Variants in VPS13C observed in about 807,000 individuals in gnomAD.
VPS13C encodes the protein vacuolar protein sorting 13 homolog C.
A neutral mutation model predicts 456.8 loss-of-function variants in VPS13C; 358 were observed. The ratio of observed to expected loss-of-function variants is 0.78; its 90% CI spans 0.72 to 0.86. The LOEUF (loss-of-function observed/expected upper bound fraction) is 0.86, where lower values mean the gene tolerates loss of function less well. Among genes scored for constraint, VPS13C ranks in the 40% least tolerant of loss-of-function variants. The probability of loss-of-function intolerance (pLI) is 0.00; values close to 1 mark genes in which losing one functional copy is unlikely to be tolerated. For missense variants in VPS13C, 4,818 were observed against 4,385.4 expected (o/e 1.10, Z -2.79); for synonymous variants, 1,578 against 1,486.7 (o/e 1.06, Z -1.41).
At position 61,946,630 on chromosome 15, in the gene VPS13C, T is replaced by C. The variant is rs191808358; in HGVS notation, c.4877-220A>G. ...GACACAGGCATCTCCTCCAAAAAAG[T>C]TGTAGAAATTTTAAAACCAAAAAAA... On this transcript the variant is annotated intron_variant, in intron 43 of 84. Transcript: ENST00000644861. Among the ~76,000 whole-genome samples the C allele has an allele frequency of 4.1e-3, 584 of 141,284 alleles. 2 individuals are homozygous for C. Among genetic ancestry groups the C allele is most frequent in the African/African-American group, 0.014 (542 of 37,444 alleles). The allele number at this position is 141,284 out of a possible 152,430, so 92.7% of individuals were successfully genotyped here. A position where few individuals can be genotyped will look rare whatever the true frequency, so the allele number is the denominator to read the frequency against.
At chr15:61,893,080 A>G (rs2042699849) in intron 66 of VPS13C, among the ~76,000 whole-genome samples, 1 of 152,238 alleles carries the variant, frequency 6.6e-6, no homozygotes, top group African/African-American at 2.4e-5. Context: ...AAGAATTAAC[A>G]AGAAAATACT....
At chr15:61,874,707 A>G (rs1895283241) in intron 77 of VPS13C, among the ~76,000 whole-genome samples, 169 bp downstream of exon 77, 1 of 152,028 alleles carries the variant, frequency 6.6e-6, no homozygotes, top group African/African-American at 2.4e-5. Flanking sequence ...AAAAACCAGC[A>G]GTCTACTGTT....
intron 84 of VPS13C, 149 bp downstream of exon 84, chr15:61,854,722 C>T (rs1459154847): frequency 1.6e-5 from 15 of 966,746 alleles, no homozygotes; most frequent in East Asian, 2.6e-5. Flanking sequence ...CCCTTGCACC[C>T]GACTGAGTCC....
At chr15:61,961,451 GACA>G (rs1567049422) in intron 35 of VPS13C, 135 bp downstream of exon 35, 1 of 645,902 alleles carries the variant, frequency 1.5e-6, no homozygotes, top group Non-Finnish European at 2.4e-6. Flanking sequence ...ACAAAACAAT[GACA>G]ACAATAAAAA....
At chr15:61,894,453 A>G (rs1055329433) in intron 66 of VPS13C, among the ~76,000 whole-genome samples, 4 of 152,342 alleles carry the variant, frequency 2.6e-5, no homozygotes, top group African/African-American at 9.6e-5. Context: ...AAATTAAAAA[A>G]TATGGCCCAA....
intron 77 of VPS13C, among the ~76,000 whole-genome samples, chr15:61,874,408 T>C (rs891913333): frequency 2.0e-5 from 3 of 152,076 alleles, no homozygotes; most frequent in Admixed American, 1.3e-4. Context: ...GATCACTACA[T>C]ATTGTATACA....
chr15:61,880,232 T>C (rs1026060934), intron 73 of VPS13C, among the ~76,000 whole-genome samples: 3 of 152,166 alleles, frequency 2.0e-5, no homozygotes, highest in Non-Finnish European at 4.4e-5. Context: ...GTATAGTACC[T>C]ACTTCAGCGT....
chr15:61,872,055 A>T, intron 78 of VPS13C, 21 bp from the exon 79 acceptor site: 1 of 1,610,388 alleles, frequency 6.2e-7, no homozygotes, highest in Non-Finnish European at 8.5e-7. Context: ...AATCAATCAT[A>T]TAGTTTAGAC....
At chr15:62,047,250 C>A (rs2048438629) in intron 1 of VPS13C, among the ~76,000 whole-genome samples, 2 of 151,414 alleles carry the variant, frequency 1.3e-5, no homozygotes, top group African/African-American at 4.9e-5. Context: ...ATGGTGAAAC[C>A]CCATCTCTAC....
At chr15:61,980,574 C>CATT (rs1287759688) in intron 22 of VPS13C, among the ~76,000 whole-genome samples, 1 of 152,080 alleles carries the variant, frequency 6.6e-6, no homozygotes, top group African/African-American at 2.4e-5. Flanking sequence ...TATGAGAAAT[C>CATT]ATTAGGCGCC....
intron 60 of VPS13C, 39 bp downstream of exon 60, chr15:61,917,302 G>C: frequency 6.3e-7 from 1 of 1,591,302 alleles, no homozygotes; most frequent in Non-Finnish European, 8.6e-7. Flanking sequence ...AATTTACTCT[G>C]TGCAACAACA....
At chr15:62,029,379 C>T (rs952329230) in intron 5 of VPS13C, among the ~76,000 whole-genome samples, 6 of 152,122 alleles carry the variant, frequency 3.9e-5, no homozygotes, top group Admixed American at 2.6e-4. Flanking sequence ...TCCAACCCTA[C>T]ATCCAACTAC....
Position 61,909,115 on chromosome 15 carries a change from A to G in VPS13C, c.8855T>C (p.Ile2952Thr). 6.2e-7 allele frequency: 1 copy of G among 1,609,224 alleles called. No homozygotes were observed. ...LLSLEDLNGG[I>T]LVDVNTAEHS... is the part of the protein sequence containing the mutation. Reference sequence around the variant, plus strand: ...TTCGGCAGTGTTTACATCCACCAAGATACCCCCATTCTATTGTAGAAAAAA... The same window carrying G: ...TTCGGCAGTGTTTACATCCACCAAGGTACCCCCATTCTATTGTAGAAAAAA... Residue 2952 changes from isoleucine to threonine, a missense_variant, in exon 65 of 85, where the codon ATC becomes ACC. By Grantham distance (89) the Ile-to-Thr change is moderately conservative. Coordinates refer to ENST00000644861, the MANE Select transcript of VPS13C (RefSeq NM_020821.3).
At chr15:62,022,626 T>A (rs2047503815) in intron 8 of VPS13C, among the ~76,000 whole-genome samples, 1 of 152,024 alleles carries the variant, frequency 6.6e-6, no homozygotes, top group East Asian at 1.9e-4. Flanking sequence ...TGCTGACTTA[T>A]CAAGTTACAT....
intron 9 of VPS13C, among the ~76,000 whole-genome samples, chr15:62,014,880 G>C (rs1306469280): frequency 6.6e-6 from 1 of 152,052 alleles, no homozygotes; most frequent in Non-Finnish European, 1.5e-5. Flanking sequence ...AAGTGAAAAA[G>C]AATGAGAAAG....
At chr15:62,030,266 A>C (rs1197193633) in intron 5 of VPS13C, among the ~76,000 whole-genome samples, 1 of 152,176 alleles carries the variant, frequency 6.6e-6, no homozygotes, top group Non-Finnish European at 1.5e-5. Flanking sequence ...ATAAGAAAGG[A>C]AATATAGTCA....
At chr15:62,015,377 T>C (rs930175369) in intron 9 of VPS13C, among the ~76,000 whole-genome samples, 1 of 152,080 alleles carries the variant, frequency 6.6e-6, no homozygotes, top group Non-Finnish European at 1.5e-5. Flanking sequence ...CATTTGTCAA[T>C]TTTGGCTTTT....
chr15:62,021,596 A>T (rs1049731169), intron 8 of VPS13C, among the ~76,000 whole-genome samples: 1 of 151,968 alleles, frequency 6.6e-6, no homozygotes, highest in Admixed American at 6.6e-5. Context: ...AATAAGGAGA[A>T]GGGAAATGGA....
At chr15:61,895,822 G>A (rs1411775700) in intron 66 of VPS13C, among the ~76,000 whole-genome samples, 1 of 152,248 alleles carries the variant, frequency 6.6e-6, no homozygotes, top group African/African-American at 2.4e-5. Flanking sequence ...AAGAAGGGCG[G>A]ATAGGGAAAG....
Sources: gnomAD v4.1 joint callset for allele counts (sites outside exome capture counted in the v4.1 genomes callset) on GRCh38, gnomAD v4.1.1 for gene constraint, MANE v1.5 for transcripts, NCBI Gene and HGNC (gene_info 2026-07-23, HGNC 2026-07-21) for gene names.